Variants in ATP6V1A observed in about 807,000 individuals in gnomAD.
ATP6V1A encodes ATPase H+ transporting V1 subunit A.
A neutral mutation model predicts 70.1 loss-of-function variants in ATP6V1A; 18 were observed. The ratio of observed to expected loss-of-function variants is 0.26; its 90% CI spans 0.18 to 0.38. The LOEUF is 0.38. Ranked by LOEUF, ATP6V1A falls within the 10% of genes least tolerant of loss-of-function variation. ATP6V1A has a pLI of 1.00. For missense variants in ATP6V1A, 424 were observed against 772.4 expected (o/e 0.55, Z 5.35); for synonymous variants, 232 against 253.8 (o/e 0.91, Z 0.82).
intron 1 of ATP6V1A, among the ~76,000 whole-genome samples, chr3:113,749,255 T>C (rs1386062388): frequency 1.5e-5 from 2 of 132,582 alleles, no homozygotes; most frequent in African/African-American, 5.9e-5. Flanking sequence ...TTTGACATTA[T>C]ACACAGATCA....
intron 8 of ATP6V1A, among the ~76,000 whole-genome samples, chr3:113,793,180 C>T (rs1378631420): frequency 1.3e-5 from 2 of 152,148 alleles, no homozygotes; most frequent in South Asian, 2.1e-4. Context: ...CAACCTCAGC[C>T]TCCCGAGTAG....
intron 14 of ATP6V1A, among the ~76,000 whole-genome samples, chr3:113,808,532 C>T (rs1315784157): frequency 6.6e-6 from 1 of 151,856 alleles, no homozygotes; most frequent in Non-Finnish European, 1.5e-5. Flanking sequence ...GACCTTGTGA[C>T]TCGCCTGCCT....
chr3:113,768,550 G>A (rs1708799587), intron 1 of ATP6V1A, among the ~76,000 whole-genome samples: 1 of 149,174 alleles, frequency 6.7e-6, no homozygotes, highest in South Asian at 2.1e-4. Context: ...CCAGGCAGAT[G>A]ACCAAATCCC....
At chr3:113,782,573 C>CATGTGTATATATATAT (rs1308546543) in intron 3 of ATP6V1A, among the ~76,000 whole-genome samples, 37 of 141,204 alleles carry the variant, frequency 2.6e-4, no homozygotes, top group African/African-American at 9.1e-4. Context: ...TATATATATA[C>CATGTGTATATATATAT]GTATATATAT....
In ATP6V1A at chr3:113,778,847, A is replaced by G; in HGVS notation, c.82+12A>G. On this transcript the variant is annotated intron_variant, in intron 2 of 14. Coordinates refer to ENST00000273398, the MANE Select transcript of ATP6V1A (RefSeq NM_001690.4). Reference sequence around the variant, plus strand: ...GGTCTCAGGACCTGGTAAGTAATACATCATAATCTCAAAATAAGGATATCT... The same window carrying G: ...GGTCTCAGGACCTGGTAAGTAATACGTCATAATCTCAAAATAAGGATATCT... 1 of 1,500,614 alleles carries G rather than the reference A, an allele frequency of 6.7e-7. No homozygotes were observed. Among genetic ancestry groups the G allele is most frequent in the Non-Finnish European group, 9.0e-7 (1 of 1,113,038 alleles). 93.0% of individuals were successfully genotyped at this position (1,500,614 alleles called of 1,614,324 possible). A position where few individuals can be genotyped will look rare whatever the true frequency, so the allele number is the denominator to read the frequency against.
At chr3:113,778,413 C>A (rs372664646) in intron 1 of ATP6V1A, among the ~76,000 whole-genome samples, 10 of 151,568 alleles carry the variant, frequency 6.6e-5, no homozygotes, top group African/African-American at 2.4e-4. Flanking sequence ...AACAAACAAA[C>A]AAACAAAAAA....
chr3:113,807,299 G>T (rs1172780429), intron 14 of ATP6V1A, among the ~76,000 whole-genome samples: 1 of 151,090 alleles, frequency 6.6e-6, no homozygotes. Context: ...TCCTGCCTCA[G>T]CCTCCCAAGT....
In ATP6V1A at chr3:113,798,278, T is replaced by C; in HGVS notation, c.1326T>C (p.Arg442=). 1.9e-6 allele frequency: 3 copies of C among 1,613,920 alleles called. No homozygotes were observed. Among genetic ancestry groups the C allele is most frequent in the Non-Finnish European group, 2.5e-6 (3 of 1,180,010 alleles). ...GCTTAGATAAGAAACTAGCTCAACG[T>C]AAGCATTTCCCCTCTGTCAATTGGC... ...FWGLDKKLAQ[R]KHFPSVNWLI... The change falls in exon 12 of 15, where the codon CGT becomes CGC. Residue 442 remains arginine (R), a synonymous_variant. Coordinates refer to ENST00000273398, the MANE Select transcript of ATP6V1A (RefSeq NM_001690.4).
chr3:113,793,749 G>A (rs1709123404), intron 8 of ATP6V1A, among the ~76,000 whole-genome samples: 1 of 152,044 alleles, frequency 6.6e-6, no homozygotes, highest in Non-Finnish European at 1.5e-5. Flanking sequence ...TATTCTGAAA[G>A]ATGCAATATG....
intron 1 of ATP6V1A, among the ~76,000 whole-genome samples, chr3:113,773,851 G>A (rs1407900172): frequency 3.3e-5 from 5 of 152,102 alleles, no homozygotes; most frequent in Non-Finnish European, 5.9e-5. Flanking sequence ...CCAGCCTATA[G>A]TACTTCTAAG....
chr3:113,751,680 A>T (rs910018413), intron 1 of ATP6V1A, among the ~76,000 whole-genome samples: 2 of 150,960 alleles, frequency 1.3e-5, no homozygotes, highest in Non-Finnish European at 3.0e-5. Flanking sequence ...TAGTATATAC[A>T]TATTATGTAT....
chr3:113,788,631 G>A lies in ATP6V1A; in HGVS notation c.717-82G>A, dbSNP rs760735578. On this transcript the variant is annotated intron_variant, in intron 6 of 14. Coordinates refer to ENST00000273398, the MANE Select transcript of ATP6V1A (RefSeq NM_001690.4). ...CAAGTGCTGCTGGGATTACAGGCGTGAGCCACCGCGCCCGGCCCCTACTTT... is the reference window on the plus strand; with the variant it reads ...CAAGTGCTGCTGGGATTACAGGCGTAAGCCACCGCGCCCGGCCCCTACTTT... The A allele has an allele frequency of 4.3e-6, 6 of 1,380,974 alleles. No homozygotes were observed. In the East Asian group the frequency reaches 1.2e-4, roughly 28 times the overall value. 85.5% of individuals were successfully genotyped at this position (1,380,974 alleles called of 1,614,324 possible). A position where few individuals can be genotyped will look rare whatever the true frequency, so the allele number is the denominator to read the frequency against.
At chr3:113,783,172 T>G (rs952175045) in intron 3 of ATP6V1A, among the ~76,000 whole-genome samples, 1 of 152,196 alleles carries the variant, frequency 6.6e-6, no homozygotes, top group Non-Finnish European at 1.5e-5. Context: ...ATCATATAAA[T>G]GTACCATTAT....
intron 6 of ATP6V1A, among the ~76,000 whole-genome samples, chr3:113,787,923 GTC>G (rs1709054750): frequency 2.0e-5 from 3 of 151,918 alleles, no homozygotes; most frequent in Admixed American, 2.0e-4. Flanking sequence ...TTCTCTCTCT[GTC>G]TCTCGCTTTT....
At chr3:113,771,092 CAAAAAAA>C (rs772702527) in intron 1 of ATP6V1A, among the ~76,000 whole-genome samples, 1 of 119,176 alleles carries the variant, frequency 8.4e-6, no homozygotes, top group Non-Finnish European at 1.8e-5. Context: ...GAGACTCCAT[CAAAAAAA>C]AAAAAAAATT....
At chr3:113,778,639 A>G (rs1384827948) in intron 1 of ATP6V1A, 102 bp from the exon 2 acceptor site, 3 of 552,984 alleles carry the variant, frequency 5.4e-6, no homozygotes, top group African/African-American at 4.0e-5. Flanking sequence ...TCAAGAATAC[A>G]CCAAAGATGA....
chr3:113,795,230 C>A, intron 10 of ATP6V1A, 26 bp downstream of exon 10: 1 of 1,594,236 alleles, frequency 6.3e-7, no homozygotes, highest in Admixed American at 1.8e-5. Context: ...ATTTACTTTG[C>A]AAAAGGAAAA....
intron 1 of ATP6V1A, among the ~76,000 whole-genome samples, chr3:113,758,986 A>C (rs989959975): frequency 1.3e-5 from 2 of 152,194 alleles, no homozygotes; most frequent in Non-Finnish European, 2.9e-5. Flanking sequence ...TGAATGTTCA[A>C]ATCTTTTGCC....
At position 113,778,417 on chromosome 3, in the gene ATP6V1A, CA is replaced by C. The variant is rs1559754332; in HGVS notation, c.-13-318del. 3.3e-5 allele frequency among the ~76,000 whole-genome samples: 5 copies of C among 151,602 alleles called. No homozygotes were observed. In the Middle Eastern group the frequency reaches 0.01, roughly 312 times the overall value. ...TCAAAAAAACAAACAAACAAACAAA[CA>C]AAAAACTAGTTGGGCATGGTGGTAC... On this transcript the variant is annotated intron_variant, in intron 1 of 14. Transcript: ENST00000273398.
Sources: allele counts gnomAD v4.1 joint callset (sites outside exome capture counted in the v4.1 genomes callset), GRCh38; gene constraint gnomAD v4.1.1; transcripts MANE v1.5; gene names NCBI Gene and HGNC (gene_info 2026-07-23, HGNC 2026-07-21).